CDCA2: variants seen among roughly 807,000 people sequenced by gnomAD.
CDCA2 encodes the protein cell division cycle-associated protein 2.
CDCA2 carries 44 observed loss-of-function variants against 67.0 expected under a neutral mutation model. The ratio of observed to expected loss-of-function variants is 0.66; its 90% CI spans 0.52 to 0.84. The LOEUF is 0.84. Among genes scored for constraint, CDCA2 ranks in the 40% least tolerant of loss-of-function variants. CDCA2 has a pLI of 0.00. For synonymous variants in CDCA2, 447 were observed against 418.7 expected, an observed-to-expected ratio of 1.07 and a Z score of -0.82; for missense variants, 1,253 against 1,203.2, an observed-to-expected ratio of 1.04 and a Z score of -0.61.
chr8:25,480,700 T>G (rs1803535136), intron 8 of CDCA2, among the ~76,000 whole-genome samples: 1 of 152,176 alleles, frequency 6.6e-6, no homozygotes, highest in South Asian at 2.1e-4. Context: ...CTTAGGCTTG[T>G]AGGTTGTTAA....
chr8:25,479,883 G>GA (rs770151190), intron 7 of CDCA2, 30 bp from the exon 8 acceptor site: 2 of 1,597,098 alleles, frequency 1.3e-6, no homozygotes, highest in East Asian at 4.5e-5. Context: ...GAGATCTTCT[G>GA]CCTCTCAAGT....
At position 25,459,242 on chromosome 8, in the gene CDCA2, T is replaced by TGCCGGGCAGAGC. The variant is rs1554518996; in HGVS notation, c.-229_-218dup. ...GGCGGAGGAGGCGGGTGGAGGAGGC[T>TGCCGGGCAGAGC]GCCGGGCAGAGCGCAGGCCAGGATC... On this transcript the variant is annotated 5_prime_UTR_variant, in exon 1 of 15. Transcript: ENST00000330560. 2.6e-5 allele frequency: 4 copies of TGCCGGGCAGAGC among 152,454 alleles called. No individual in the cohort carries two copies. The allele number at this position is 152,454 out of a possible 1,614,324, so 9.4% of individuals were successfully genotyped here.
rs755042770 is a variant in CDCA2, at chr8:25,488,599, A to C, written c.1581A>C (p.Thr527=). The change falls in exon 13 of 15, where the codon ACA becomes ACC. Residue 527 remains threonine, a synonymous_variant. Transcript: ENST00000330560. ...AGAGTGTTTGCAACTTATTGAATAC[A>C]GAAGTTCAGCCTTGTAAAGAAAAGA... is the stretch of plus-strand genomic sequence containing the variant. ...VEESVCNLLN[T]EVQPCKEKKI... is the part of the protein sequence containing the mutation. The C allele has an allele frequency of 3.3e-5, 53 of 1,613,154 alleles. No homozygotes were observed. The highest frequency in any genetic ancestry group is 1.6e-4 in the Middle Eastern group (1 of 6,080).
rs764487001 is a variant in CDCA2, at chr8:25,466,220, A to G, written c.433A>G (p.Ile145Val). ...AAATGTTAACACTTTAAGAGAACGAATATCAGCCTTCCAGTCAGCTTTTCA... is the reference window on the plus strand; with the variant it reads ...AAATGTTAACACTTTAAGAGAACGAGTATCAGCCTTCCAGTCAGCTTTTCA... Reference protein sequence around the residue: ...YRNVNTLRERISAFQSAFHSI... With the variant: ...YRNVNTLRERVSAFQSAFHSI... Residue 145 changes from isoleucine (I) to valine (V), a missense_variant, in exon 5 of 15, where the codon ATA (isoleucine) becomes GTA (valine). Physicochemically the swap from Ile to Val is conservative, Grantham distance 29. Transcript: ENST00000330560. 1.2e-6 allele frequency: 2 copies of G among 1,611,602 alleles called. No homozygotes were observed. The highest frequency in any genetic ancestry group is 2.2e-5 in the East Asian group (1 of 44,792).
rs1433320858 is a variant in CDCA2 at position 25,469,901 on chromosome 8, A to G, written c.741A>G (p.Ser247=). ...TCTTTCAATTTTTCCCCAAGATATC[A>G]TCTAAACTTGGTTCAACACAGTCTG... is the stretch of plus-strand genomic sequence containing the variant. ...VETSVDLSEI[S]SKLGSTQSGF... is the part of the protein sequence containing the mutation. Residue 247 remains serine (S), a synonymous_variant, in exon 7 of 15, where the codon TCA becomes TCG. Transcript: ENST00000330560. 3.1e-6 allele frequency: 5 copies of G among 1,606,722 alleles called. No individual in the cohort carries two copies. In the African/African-American group the frequency reaches 4.0e-5, roughly 13 times the overall value.
Position 25,503,530 on chromosome 8 carries a change from G to A in CDCA2, c.1829G>A (p.Arg610Gln), listed in dbSNP as rs201480361. 44 of 1,608,906 alleles carry A rather than the reference G, an allele frequency of 2.7e-5. No individual in the cohort carries two copies. Among genetic ancestry groups the A allele is most frequent in the Non-Finnish European group, 3.5e-5 (41 of 1,178,694 alleles). Residue 610 changes from arginine to glutamine, a missense_variant, in exon 14 of 15, where the codon CGA becomes CAA. Physicochemically the swap from Arg to Gln is conservative, Grantham distance 43. Coordinates refer to ENST00000330560, the MANE Select transcript of CDCA2 (RefSeq NM_152562.4). ...PEMTPSIPSI[R>Q]RLGSGYFSSN... is the part of the protein sequence containing the mutation. ...ATGACACCTTCCATTCCGAGCATCC[G>A]AAGACTGGGTTCAGGTATCCTGACA...
intron 13 of CDCA2, among the ~76,000 whole-genome samples, chr8:25,489,203 C>T (rs1201345737): frequency 6.6e-6 from 1 of 152,150 alleles, no homozygotes; most frequent in African/African-American, 2.4e-5. Context: ...CCTTTTCCTT[C>T]TCCAGCTCAG....
Position 25,506,806 on chromosome 8 carries a change from T to C in CDCA2, c.2140T>C (p.Cys714Arg). The change falls in exon 15 of 15, where the codon TGT becomes CGT. Residue 714 changes from cysteine to arginine, a missense_variant. Coordinates refer to ENST00000330560, the MANE Select transcript of CDCA2 (RefSeq NM_152562.4). ...PKAGTDSPVS[C>R]ASVTEERVAS... The stretch of plus-strand genomic sequence containing the variant: ...AGCTGGAACTGACAGTCCTGTTTCT[T>C]GTGCTTCTGTAACTGAAGAACGTGT... 6.2e-7 allele frequency: 1 copy of C among 1,614,096 alleles called. No individual in the cohort carries two copies. Among genetic ancestry groups the C allele is most frequent in the South Asian group, 1.1e-5 (1 of 91,070 alleles).
intron 7 of CDCA2, 28 bp from the exon 8 acceptor site, chr8:25,479,885 C>T (rs1279823690): frequency 1.4e-5 from 22 of 1,597,274 alleles, no homozygotes; most frequent in Non-Finnish European, 1.7e-5. Flanking sequence ...GATCTTCTGC[C>T]TCTCAAGTTT....
In CDCA2 at chr8:25,471,394, G is replaced by A. The variant is rs1030911046; in HGVS notation, c.820+1414G>A. Among the ~76,000 whole-genome samples the A allele has an allele frequency of 4.2e-5, 6 of 142,362 alleles. No individual in the cohort carries two copies. The Admixed American group carries it at 4.2e-4, about 10-fold the overall frequency. The allele number at this position is 142,362 out of a possible 152,430, so 93.4% of individuals were successfully genotyped here. On this transcript the variant is annotated intron_variant, in intron 7 of 14. Transcript: ENST00000330560. ...CTTCTTATTTTTGAGACAGAGTCTC[G>A]CTCTGTTGACCAGGCTGGAGTGCAG...
intron 13 of CDCA2, among the ~76,000 whole-genome samples, chr8:25,493,085 A>G (rs974876515): frequency 6.6e-6 from 1 of 152,256 alleles, no homozygotes; most frequent in African/African-American, 2.4e-5. Context: ...GTGCCTGGCC[A>G]TAGTAAGCTT....
In CDCA2 at chr8:25,506,529, C is replaced by A. The variant is rs756413580; in HGVS notation, c.1863C>A (p.Gly621=). Residue 621 remains glycine, a synonymous_variant, in exon 15 of 15, where the codon GGC becomes GGA. Coordinates refer to ENST00000330560, the MANE Select transcript of CDCA2 (RefSeq NM_152562.4). The part of the protein sequence containing the change: ...RLGSGYFSSN[G]KLEEVKTPKN... ...CCATAGGTTATTTCAGTTCAAATGGCAAACTGGAAGAAGTGAAGACTCCTA... is the reference window on the plus strand; with the variant it reads ...CCATAGGTTATTTCAGTTCAAATGGAAAACTGGAAGAAGTGAAGACTCCTA... 1.9e-6 allele frequency: 3 copies of A among 1,572,876 alleles called. No homozygotes were observed. The Admixed American group carries it at 6.1e-5, about 32-fold the overall frequency.
chr8:25,507,166 A>G lies in CDCA2; in HGVS notation c.2500A>G (p.Met834Val). Reference sequence around the variant, plus strand: ...AGACAGGAAAGATAGAAGACGTTCCATGTGTTATTCTGATGGTCGAAGTTT... The same window carrying G: ...AGACAGGAAAGATAGAAGACGTTCCGTGTGTTATTCTGATGGTCGAAGTTT... ...CRDRKDRRRS[M>V]CYSDGRSLHL... Residue 834 changes from methionine to valine, a missense_variant, in exon 15 of 15, where the codon ATG (methionine) becomes GTG (valine). By Grantham distance (21) the Met-to-Val change is conservative (BLOSUM62 1). Coordinates refer to ENST00000330560, the MANE Select transcript of CDCA2 (RefSeq NM_152562.4). 6.2e-7 allele frequency: 1 copy of G among 1,614,198 alleles called. No homozygotes were observed. The highest frequency in any genetic ancestry group is 8.5e-7 in the Non-Finnish European group (1 of 1,180,032).
chr8:25,469,852 A>G (rs779198779), intron 6 of CDCA2, 44 bp from the exon 7 acceptor site: 1 of 1,238,378 alleles, frequency 8.1e-7, no homozygotes, highest in Non-Finnish European at 1.2e-6. Flanking sequence ...CATTAGTAGT[A>G]CTCTAATTAA....
At chr8:25,476,373 A>G (rs1329888088) in intron 7 of CDCA2, among the ~76,000 whole-genome samples, 1 of 152,190 alleles carries the variant, frequency 6.6e-6, no homozygotes, top group East Asian at 1.9e-4. Context: ...TCTGAGAGAA[A>G]GTTCCCTGGT....
chr8:25,490,900 C>T (rs1306647137), intron 13 of CDCA2, among the ~76,000 whole-genome samples: 1 of 152,022 alleles, frequency 6.6e-6, no homozygotes, highest in Non-Finnish European at 1.5e-5. Context: ...CTTACCCAAT[C>T]TTAAATAAGA....
intron 13 of CDCA2, among the ~76,000 whole-genome samples, chr8:25,502,385 T>TA (rs1220967958): frequency 6.6e-6 from 1 of 152,136 alleles, no homozygotes; most frequent in Admixed American, 6.6e-5. Flanking sequence ...TGGTTGCTGA[T>TA]ACGTTACTCA....
At position 25,483,504 on chromosome 8, in the gene CDCA2, G is replaced by C. The variant is rs1803649257; in HGVS notation, c.1120+18G>C. 1 of 1,559,546 alleles carries C rather than the reference G, an allele frequency of 6.4e-7. No homozygotes were observed. The highest frequency in any genetic ancestry group is 1.4e-5 in the African/African-American group (1 of 73,220). ...AGAAGCAGGTAAGAAATTCATACTT[G>C]TTTTTAAGCTTGAGGATATCATTTT... On this transcript the variant is annotated intron_variant, in intron 9 of 14. Coordinates refer to ENST00000330560, the MANE Select transcript of CDCA2 (RefSeq NM_152562.4).
chr8:25,484,792 A>G (rs1006647990), intron 10 of CDCA2, among the ~76,000 whole-genome samples: 1 of 152,046 alleles, frequency 6.6e-6, no homozygotes, highest in African/African-American at 2.4e-5. Context: ...ACTGATGAAT[A>G]CTACCAAACA....
Sources: gnomAD v4.1 joint callset for allele counts (sites outside exome capture counted in the v4.1 genomes callset) on GRCh38, gnomAD v4.1.1 for gene constraint, MANE v1.5 for transcripts, NCBI Gene and HGNC (gene_info 2026-07-23, HGNC 2026-07-21) for gene names.